FAM120C: variants seen among roughly 807,000 people sequenced by gnomAD.
FAM120C encodes constitutive coactivator of PPAR-gamma-like protein 2.
FAM120C carries 14 observed loss-of-function variants against 71.2 expected under a neutral mutation model. That is an observed-to-expected ratio of 0.20 (90% CI 0.13 to 0.31). FAM120C has a LOEUF of 0.31. Ranked by LOEUF, FAM120C falls within the 10% of genes least tolerant of loss-of-function variation. The probability of loss-of-function intolerance (pLI) is 1.00; values close to 1 mark genes in which losing one functional copy is unlikely to be tolerated. For missense variants in FAM120C, 500 were observed against 879.0 expected (o/e 0.57, Z 5.45); for synonymous variants, 354 against 353.2 (o/e 1.00, Z -0.03).
chrX:54,116,868 T>C (rs1322925310), intron 9 of FAM120C, 74 bp from the exon 10 acceptor site: 3 of 1,091,557 alleles, frequency 2.7e-6, no homozygotes, highest in Non-Finnish European at 3.7e-6. Flanking sequence ...CACAGGACAT[T>C]GACAGGCTCC....
intron 3 of FAM120C, 74 bp from the exon 4 acceptor site, chrX:54,151,447 A>T (rs2067184051): frequency 8.6e-6 from 9 of 1,047,241 alleles, no homozygotes; most frequent in Non-Finnish European, 1.2e-5. Flanking sequence ...AGTTGAGGGG[A>T]GATATGGAAT....
chrX:54,073,377 G>T, intron 15 of FAM120C, 90 bp from the exon 16 acceptor site: 1 of 956,488 alleles, frequency 1.0e-6, no homozygotes. Flanking sequence ...TGAGGAAGCG[G>T]CTTCAGTTCT....
intron 15 of FAM120C, among the ~76,000 whole-genome samples, chrX:54,079,220 C>T (rs1420694300): frequency 9.7e-6 from 1 of 102,604 alleles, no homozygotes; most frequent in Admixed American, 1.1e-4. Context: ...CGAGATCGCG[C>T]CACTGCACTC....
chrX:54,163,337 TA>T (rs1387672719), intron 1 of FAM120C, among the ~76,000 whole-genome samples: 1 of 112,124 alleles, frequency 8.9e-6, no homozygotes, highest in Non-Finnish European at 1.9e-5. Flanking sequence ...TATTTGGCAA[TA>T]AAAAGGAATG....
intron 3 of FAM120C, among the ~76,000 whole-genome samples, chrX:54,153,096 GAGA>G (rs2067191852): frequency 9.0e-6 from 1 of 111,466 alleles, no homozygotes; most frequent in African/African-American, 3.3e-5. Context: ...GAGAAGAGTA[GAGA>G]AGAAGCTAGG....
At chrX:54,133,639 G>A (rs2067079348) in intron 8 of FAM120C, 134 bp downstream of exon 8, 4 of 694,651 alleles carry the variant, frequency 5.8e-6, no homozygotes, top group Admixed American at 3.6e-5. Flanking sequence ...GTAGGATGAG[G>A]GGCCCACCAC....
In FAM120C at chrX:54,174,196, G is replaced by A. The variant is rs1162542557; in HGVS notation, c.699+8304C>T. On this transcript the variant is annotated intron_variant, in intron 1 of 15. Coordinates refer to ENST00000375180, the MANE Select transcript of FAM120C (RefSeq NM_017848.6). ...AGAGCCAGAGAGAAAGAGAGAGAGA[G>A]TGCAAACAAGATGGAAGTCACAGTT... 9 of 509,309 alleles carry A rather than the reference G, an allele frequency of 1.8e-5. No homozygotes were observed. In the African/African-American group the frequency reaches 2.1e-4, roughly 12 times the overall value. The allele number at this position is 509,309 out of a possible 1,213,427, so 42.0% of individuals were successfully genotyped here.
intron 9 of FAM120C, among the ~76,000 whole-genome samples, chrX:54,117,354 AAAAATAAAATAAAAT>A (rs140650427): frequency 0.014 from 817 of 60,339 alleles, 5 homozygotes; most frequent in African/African-American, 0.029. Flanking sequence ...TCCTGTCTCT[AAAAATAAAATAAAAT>A]AAAATAAAAT....
intron 13 of FAM120C, among the ~76,000 whole-genome samples, 154 bp from the exon 14 acceptor site, chrX:54,081,614 A>C (rs1246384412): frequency 1.8e-5 from 2 of 109,340 alleles, no homozygotes; most frequent in Non-Finnish European, 3.8e-5. Context: ...CTCTACTAAA[A>C]ATACAAACAA....
rs782418081 is a variant in FAM120C at position 54,081,339 on chromosome X, G to A, written c.2961C>T (p.Val987=). The A allele has an allele frequency of 8.3e-6, 10 of 1,207,061 alleles. No homozygotes were observed. The African/African-American group carries it at 1.4e-4, about 17-fold the overall frequency. Residue 987 remains valine (V), a synonymous_variant, in exon 14 of 16, where the codon GTC becomes GTT. Transcript: ENST00000375180. ...GTACATACCCCTTTCCTGGCCCACCGACAGAAACCACTTGCATGCCGAAGG... is the reference window on the plus strand; with the variant it reads ...GTACATACCCCTTTCCTGGCCCACCAACAGAAACCACTTGCATGCCGAAGG... ...RGSFGMQVVS[V]GGPGKGHGKE... is the part of the protein sequence containing the mutation.
chrX:54,164,477 T>C (rs1054360938), intron 1 of FAM120C, among the ~76,000 whole-genome samples: 2 of 112,192 alleles, frequency 1.8e-5, no homozygotes, highest in South Asian at 7.5e-4. Context: ...ATTTGACTAC[T>C]TTAGGTACCT....
chrX:54,166,087 G>A (rs1400767854), intron 1 of FAM120C, among the ~76,000 whole-genome samples: 1 of 110,614 alleles, frequency 9.0e-6, no homozygotes. Flanking sequence ...ATAGAGAAGG[G>A]AAAAAACCTA....
rs2067174776 is a variant in FAM120C at position 54,149,592 on chromosome X, TCATACCATTG to T, written c.1158+1643_1158+1652del. On this transcript the variant is annotated intron_variant, in intron 4 of 15. Coordinates refer to ENST00000375180, the MANE Select transcript of FAM120C (RefSeq NM_017848.6). ...AGGCGGAGGTTGTAGTGAGCCAAGA[TCATACCATTG>T]CACTCCAGCCAAGGCAACAAGAGCG... is the stretch of plus-strand genomic sequence containing the variant. 6.5e-5 allele frequency among the ~76,000 whole-genome samples: 7 copies of T among 107,887 alleles called. No homozygotes were observed. In the Admixed American group the frequency reaches 7.1e-4, roughly 11 times the overall value. 93.7% of individuals were successfully genotyped at this position (107,887 alleles called of 115,157 possible).
intron 13 of FAM120C, among the ~76,000 whole-genome samples, chrX:54,082,043 C>T (rs781828583): frequency 1.6e-4 from 17 of 108,261 alleles, no homozygotes; most frequent in African/African-American, 5.4e-4. Flanking sequence ...ATTAGCCGGG[C>T]GTGGTGGTCC....
At chrX:54,139,790 C>A (rs2067114631) in intron 4 of FAM120C, among the ~76,000 whole-genome samples, 1 of 111,022 alleles carries the variant, frequency 9.0e-6, no homozygotes, top group Admixed American at 9.7e-5. Context: ...CCTCAGCCTC[C>A]TGAGTAGCTG....
At chrX:54,171,678 C>T (rs1032603802) in intron 1 of FAM120C, 4 of 111,858 alleles carry the variant, frequency 3.6e-5, no homozygotes, top group Admixed American at 9.5e-5. Context: ...CTTCAAGTGA[C>T]TAATTTGATC....
At chrX:54,140,531 A>T (rs1430754260) in intron 4 of FAM120C, among the ~76,000 whole-genome samples, 2 of 106,193 alleles carry the variant, frequency 1.9e-5, no homozygotes, top group Non-Finnish European at 3.9e-5. Context: ...GAGGCAGGAG[A>T]ATCACTTGAA....
chrX:54,098,755 C>T (rs1431892183), intron 10 of FAM120C, among the ~76,000 whole-genome samples: 1 of 111,025 alleles, frequency 9.0e-6, no homozygotes, highest in African/African-American at 3.3e-5. Context: ...TCCTGAGTAG[C>T]TGGGATTACA....
intron 10 of FAM120C, among the ~76,000 whole-genome samples, chrX:54,110,852 G>C (rs2066933192): frequency 9.0e-6 from 1 of 110,780 alleles, no homozygotes; most frequent in Admixed American, 9.7e-5. Context: ...TTGAGGTCAG[G>C]AGTTTGACAC....
Sources: gnomAD v4.1 joint callset for allele counts (sites outside exome capture counted in the v4.1 genomes callset) on GRCh38, gnomAD v4.1.1 for gene constraint, MANE v1.5 for transcripts, NCBI Gene and HGNC (gene_info 2026-07-23, HGNC 2026-07-21) for gene names.